CDKN1B: variants seen among roughly 807,000 people sequenced by gnomAD.
CDKN1B encodes the protein cyclin-dependent kinase inhibitor 1B.
In CDKN1B, 7 loss-of-function variants were observed where a neutral mutation model predicts 17.1. The observed-to-expected ratio is 0.41, with a 90% confidence interval of 0.23 to 0.77. The LOEUF is 0.77. Ranked by LOEUF, CDKN1B falls within the 30% of genes least tolerant of loss-of-function variation. The pLI, the probability that CDKN1B is intolerant of heterozygous loss-of-function variation, is 0.33. For missense variants in CDKN1B, 337 were observed against 262.0 expected (o/e 1.29, Z -1.98); for synonymous variants, 149 against 104.3 (o/e 1.43, Z -2.61).
chr12:12,719,897 T>C (rs1946524856), intron 2 of CDKN1B, among the ~76,000 whole-genome samples: 3 of 152,234 alleles, frequency 2.0e-5, no homozygotes, highest in Non-Finnish European at 4.4e-5. Flanking sequence ...TAATAGTTTA[T>C]TAGCTTCCTT....
In CDKN1B at chr12:12,721,023, T is replaced by G. The variant is rs1195449958; in HGVS notation, c.*9-13T>G. 1.5e-6 allele frequency: 1 copy of G among 677,166 alleles called. No individual in the cohort carries two copies. Among genetic ancestry groups the G allele is most frequent in the South Asian group, 1.7e-5 (1 of 57,632 alleles). The allele number at this position is 677,166 out of a possible 1,614,324, so 41.9% of individuals were successfully genotyped here. A position where few individuals can be genotyped will look rare whatever the true frequency, so the allele number is the denominator to read the frequency against. Reference sequence around the variant, plus strand: ...CTCTTCCTTTAATTCTTCCGTTTTGTTTTCTTTTGCAGAATTAAGAATATG... The same window carrying G: ...CTCTTCCTTTAATTCTTCCGTTTTGGTTTCTTTTGCAGAATTAAGAATATG... On this transcript the variant is annotated splice_polypyrimidine_tract_variant and intron_variant, in intron 2 of 2. Transcript: ENST00000228872.
chr12:12,720,525 A>G (rs1478816088), intron 2 of CDKN1B, among the ~76,000 whole-genome samples: 1 of 152,180 alleles, frequency 6.6e-6, no homozygotes, highest in African/African-American at 2.4e-5. Flanking sequence ...ATTTTCAAAA[A>G]TTTAGAAAAT....
In CDKN1B at chr12:12,717,378, A is replaced by C. The variant is rs1946473821; in HGVS notation, c.-462A>C. The C allele has an allele frequency of 8.7e-7, 1 of 1,153,534 alleles. No individual in the cohort carries two copies. The highest frequency in any genetic ancestry group is 1.1e-6 in the Non-Finnish European group (1 of 931,296). 71.5% of individuals were successfully genotyped at this position (1,153,534 alleles called of 1,614,324 possible). On this transcript the variant is annotated 5_prime_UTR_variant, in exon 1 of 3. Transcript: ENST00000228872. ...CGTGTCAATCATTTTCTTCTTCGTC[A>C]GCCTCCCTTCCACCGCCATATTGGG...
Position 12,721,470 on chromosome 12 carries a change from T to C in CDKN1B, c.*443T>C. 3.3e-6 allele frequency: 1 copy of C among 305,086 alleles called. No individual in the cohort carries two copies. The highest frequency in any genetic ancestry group is 6.0e-6 in the Non-Finnish European group (1 of 167,010). 18.9% of individuals were successfully genotyped at this position (305,086 alleles called of 1,614,324 possible). A position where few individuals can be genotyped will look rare whatever the true frequency, so the allele number is the denominator to read the frequency against. ...TGAATTGTTTTCTTTAAAGATGTAA[T>C]GTCCCTTTCAGAGACAGCTGATACT... On this transcript the variant is annotated 3_prime_UTR_variant, in exon 3 of 3. Coordinates refer to ENST00000228872, the MANE Select transcript of CDKN1B (RefSeq NM_004064.5).
At position 12,717,903 on chromosome 12, in the gene CDKN1B, G is replaced by A. The variant is rs2136355461; in HGVS notation, c.64G>A (p.Glu22Lys). 6.2e-7 allele frequency: 1 copy of A among 1,614,116 alleles called. No homozygotes were observed. Among genetic ancestry groups the A allele is most frequent in the Non-Finnish European group, 8.5e-7 (1 of 1,180,040 alleles). The change falls in exon 1 of 3, where the codon GAG (glutamate) becomes AAG (lysine). Residue 22 changes from glutamate to lysine, a missense_variant. By Grantham distance (56) the Glu-to-Lys change is moderately conservative (BLOSUM62 1). Coordinates refer to ENST00000228872, the MANE Select transcript of CDKN1B (RefSeq NM_004064.5). Reference protein sequence around the residue: ...SLERMDARQAEHPKPSACRNL... With the variant: ...SLERMDARQAKHPKPSACRNL... ...GGAGCGGATGGACGCCAGGCAGGCG[G>A]AGCACCCCAAGCCCTCGGCCTGCAG...
chr12:12,721,155 G>GC lies in CDKN1B; in HGVS notation c.*129dup, dbSNP rs1946537417. ...TTCATGGAATGGACATCCTGTATAA[G>GC]CACTGAAAAACAACAACACAATAAC... On this transcript the variant is annotated 3_prime_UTR_variant, in exon 3 of 3. Coordinates refer to ENST00000228872, the MANE Select transcript of CDKN1B (RefSeq NM_004064.5). 1 of 774,700 alleles carries GC rather than the reference G, an allele frequency of 1.3e-6. No homozygotes were observed. Among genetic ancestry groups the GC allele is most frequent in the East Asian group, 2.4e-5 (1 of 41,142 alleles). The allele number at this position is 774,700 out of a possible 1,614,324, so 48.0% of individuals were successfully genotyped here. A position where few individuals can be genotyped will look rare whatever the true frequency, so the allele number is the denominator to read the frequency against.
rs1946494282 is a variant in CDKN1B at position 12,718,132 on chromosome 12, C to T, written c.293C>T (p.Ala98Val). The T allele has an allele frequency of 6.2e-7, 1 of 1,614,166 alleles. No individual in the cohort carries two copies. The highest frequency in any genetic ancestry group is 8.5e-7 in the Non-Finnish European group (1 of 1,180,024). ...YYRPPRPPKG[A>V]CKVPAQESQD... is the part of the protein sequence containing the mutation. ...AGACCCCCGCGGCCCCCCAAAGGTG[C>T]CTGCAAGGTGCCGGCGCAGGAGAGC... The change falls in exon 1 of 3, where the codon GCC (alanine) becomes GTC (valine). Residue 98 changes from alanine (A) to valine (V), a missense_variant. Transcript: ENST00000228872.
Position 12,717,495 on chromosome 12 carries a change from A to C in CDKN1B, c.-345A>C. ...ACGGCTCTGCGACTCCGACGCCGGC[A>C]AGGTTTGGAGAGCGGCTGGGTTCGC... On this transcript the variant is annotated 5_prime_UTR_variant, in exon 1 of 3. Coordinates refer to ENST00000228872, the MANE Select transcript of CDKN1B (RefSeq NM_004064.5). 1.5e-6 allele frequency: 2 copies of C among 1,337,732 alleles called. No individual in the cohort carries two copies. The highest frequency in any genetic ancestry group is 9.6e-7 in the Non-Finnish European group (1 of 1,040,952). 82.9% of individuals were successfully genotyped at this position (1,337,732 alleles called of 1,614,324 possible).
chr12:12,719,704 TTTGGATATTTGTA>T (rs1431534413), intron 2 of CDKN1B, among the ~76,000 whole-genome samples: 1 of 152,204 alleles, frequency 6.6e-6, no homozygotes. Context: ...AACAGGGTGA[TTTGGATATTTGTA>T]GGGGAAATGG....
Position 12,717,625 on chromosome 12 carries a change from A to G in CDKN1B, c.-215A>G, listed in dbSNP as rs1414558324. 2.7e-6 allele frequency: 4 copies of G among 1,457,202 alleles called. No individual in the cohort carries two copies. Among genetic ancestry groups the G allele is most frequent in the Non-Finnish European group, 3.6e-6 (4 of 1,113,338 alleles). The allele number at this position is 1,457,202 out of a possible 1,614,324, so 90.3% of individuals were successfully genotyped here. On this transcript the variant is annotated 5_prime_UTR_variant, in exon 1 of 3. Transcript: ENST00000228872. ...GCCCTCCCGCTCGCCAGTCCATTTGATCAGCGGAGACTCGGCGGCCGGGCC... is the reference window on the plus strand; with the variant it reads ...GCCCTCCCGCTCGCCAGTCCATTTGGTCAGCGGAGACTCGGCGGCCGGGCC...
Position 12,717,809 on chromosome 12 carries a change from A to C in CDKN1B, c.-31A>C, listed in dbSNP as rs972365866. 2 of 1,607,750 alleles carry C rather than the reference A, an allele frequency of 1.2e-6. No homozygotes were observed. Among genetic ancestry groups the C allele is most frequent in the African/African-American group, 2.7e-5 (2 of 74,792 alleles). On this transcript the variant is annotated 5_prime_UTR_variant, in exon 1 of 3. Coordinates refer to ENST00000228872, the MANE Select transcript of CDKN1B (RefSeq NM_004064.5). ...TCGGTTTTGTTTTTTTGAGAGTGCG[A>C]GAGAGGCGGTCGTGCAGACCCGGGA...
At position 12,718,177 on chromosome 12, in the gene CDKN1B, G is replaced by A. The variant is rs767109665; in HGVS notation, c.338G>A (p.Arg113His). 15 of 1,612,888 alleles carry A rather than the reference G, an allele frequency of 9.3e-6. No homozygotes were observed. Among genetic ancestry groups the A allele is most frequent in the Admixed American group, 1.7e-5 (1 of 59,932 alleles). ...GAGAGCCAGGATGTCAGCGGGAGCC[G>A]CCCGGCGGCGCCTTTAATTGGGGCT... ...AQESQDVSGSRPAAPLIGAPA... is the reference protein window; with the variant it reads ...AQESQDVSGSHPAAPLIGAPA... Residue 113 changes from arginine to histidine, a missense_variant, in exon 1 of 3, where the codon CGC becomes CAC. By Grantham distance (29) the Arg-to-His change is conservative. Transcript: ENST00000228872.
rs903041791 is a variant in CDKN1B at position 12,722,204 on chromosome 12, T to G, written c.*1177T>G. On this transcript the variant is annotated 3_prime_UTR_variant, in exon 3 of 3. Coordinates refer to ENST00000228872, the MANE Select transcript of CDKN1B (RefSeq NM_004064.5). ...GCCAAAGTGGCATGTTTTGTGCATT[T>G]GTAAATGCTGTGTTGGGTAGAATAG... 17 of 152,698 alleles carry G rather than the reference T, an allele frequency of 1.1e-4. No homozygotes were observed. The highest frequency in any genetic ancestry group is 2.0e-4 in the Admixed American group (3 of 15,292). The allele number at this position is 152,698 out of a possible 1,614,324, so 9.5% of individuals were successfully genotyped here. A position where few individuals can be genotyped will look rare whatever the true frequency, so the allele number is the denominator to read the frequency against.
chr12:12,718,484 T>A (rs745958440), intron 1 of CDKN1B, among the ~76,000 whole-genome samples, 170 bp downstream of exon 1: 12 of 152,172 alleles, frequency 7.9e-5, no homozygotes, highest in Non-Finnish European at 1.3e-4. Flanking sequence ...TGTTTGTGAC[T>A]TTTAAGTCAG....
In CDKN1B at chr12:12,721,105, A is replaced by T. The variant is rs764351380; in HGVS notation, c.*78A>T. The T allele has an allele frequency of 1.3e-6, 1 of 773,392 alleles. No homozygotes were observed. Among genetic ancestry groups the T allele is most frequent in the Non-Finnish European group, 2.4e-6 (1 of 415,024 alleles). 47.9% of individuals were successfully genotyped at this position (773,392 alleles called of 1,614,324 possible). A position where few individuals can be genotyped will look rare whatever the true frequency, so the allele number is the denominator to read the frequency against. ...ATGAAGCAAGGAAGATATACATGAA[A>T]ATTTTAAAAATACATATCGCTGACT... On this transcript the variant is annotated 3_prime_UTR_variant, in exon 3 of 3. Coordinates refer to ENST00000228872, the MANE Select transcript of CDKN1B (RefSeq NM_004064.5).
chr12:12,720,957 C>T, intron 2 of CDKN1B, 79 bp from the exon 3 acceptor site: 1 of 560,824 alleles, frequency 1.8e-6, no homozygotes, highest in South Asian at 2.5e-5. Context: ...AACATAGTGA[C>T]AAAATAATTC....
At chr12:12,720,239 C>T (rs1946528899) in intron 2 of CDKN1B, among the ~76,000 whole-genome samples, 1 of 152,116 alleles carries the variant, frequency 6.6e-6, no homozygotes, top group South Asian at 2.1e-4. Context: ...AGATGAGCCA[C>T]GAGAATCAGA....
chr12:12,719,088 G>T, intron 2 of CDKN1B, 134 bp downstream of exon 2: 1 of 1,061,746 alleles, frequency 9.4e-7, no homozygotes, highest in South Asian at 1.4e-5. Flanking sequence ...GGTCAAAAAA[G>T]TAGCAATGGG....
rs1946511305 is a variant in CDKN1B at position 12,718,835 on chromosome 12, T to G, written c.486T>G (p.Thr162=). 1.2e-6 allele frequency: 2 copies of G among 1,614,108 alleles called. No individual in the cohort carries two copies. The highest frequency in any genetic ancestry group is 1.7e-6 in the Non-Finnish European group (2 of 1,180,010). The change falls in exon 2 of 3, where the codon ACT becomes ACG. Residue 162 remains threonine, a synonymous_variant. Coordinates refer to ENST00000228872, the MANE Select transcript of CDKN1B (RefSeq NM_004064.5). ...TTCCCCTGCGCTTAGATTCTTCTACTCAAAACAAAAGAGCCAACAGAACAG... is the reference window on the plus strand; with the variant it reads ...TTCCCCTGCGCTTAGATTCTTCTACGCAAAACAAAAGAGCCAACAGAACAG... The part of the protein sequence containing the change: ...RKRPATDDSS[T]QNKRANRTEE...
Sources: allele counts gnomAD v4.1 joint callset (sites outside exome capture counted in the v4.1 genomes callset), GRCh38; gene constraint gnomAD v4.1.1; transcripts MANE v1.5; gene names NCBI Gene and HGNC (gene_info 2026-07-23, HGNC 2026-07-21).